Variants in LARGE1 observed in about 807,000 individuals in gnomAD.
LARGE1 encodes LARGE xylosyl- and glucuronyltransferase 1, also known as xylosyl- and glucuronyltransferase LARGE1.
A neutral mutation model predicts 87.6 loss-of-function variants in LARGE1; 43 were observed. The ratio of observed to expected loss-of-function variants is 0.49; its 90% CI spans 0.38 to 0.63. The LOEUF (loss-of-function observed/expected upper bound fraction) is 0.63. Among genes scored for constraint, LARGE1 ranks in the 30% least tolerant of loss-of-function variants. LARGE1 has a pLI of 0.00. For missense variants in LARGE1, 802 were observed against 1,000.2 expected (o/e 0.80, Z 2.67); for synonymous variants, 434 against 394.6 (o/e 1.10, Z -1.18).
intron 4 of LARGE1, 91 bp from the exon 5 acceptor site, chr22:33,604,649 T>C: frequency 6.6e-7 from 1 of 1,523,206 alleles, no homozygotes; most frequent in Non-Finnish European, 9.1e-7. Context: ...GTTCCTACGG[T>C]GGGGCACGTT....
intron 1 of LARGE1, among the ~76,000 whole-genome samples, chr22:33,905,538 A>G (rs1309016105): frequency 8.5e-5 from 13 of 152,226 alleles, no homozygotes; most frequent in Non-Finnish European, 1.5e-5. Flanking sequence ...GAATCTAGCA[A>G]TCTGATAGCC....
chr22:33,660,096 T>TG (rs2081080590), intron 2 of LARGE1, among the ~76,000 whole-genome samples: 1 of 138,644 alleles, frequency 7.2e-6, no homozygotes, highest in Non-Finnish European at 1.5e-5. Flanking sequence ...GTGTGTTTTT[T>TG]TTTTTTTTTT....
At chr22:33,653,793 T>G (rs561708400) in intron 2 of LARGE1, among the ~76,000 whole-genome samples, 83 of 152,228 alleles carry the variant, frequency 5.5e-4, no homozygotes, top group Admixed American at 1.6e-3. Flanking sequence ...TTGTTCTGTG[T>G]GTTGTATGGG....
intron 10 of LARGE1, among the ~76,000 whole-genome samples, chr22:33,334,207 T>C (rs1399461389): frequency 6.6e-6 from 1 of 151,782 alleles, no homozygotes; most frequent in Non-Finnish European, 1.5e-5. Flanking sequence ...AAGGTGATCA[T>C]GATCAAGACC....
intron 7 of LARGE1, among the ~76,000 whole-genome samples, chr22:33,407,806 C>G (rs536591384): frequency 2.6e-5 from 4 of 152,220 alleles, no homozygotes; most frequent in South Asian, 2.1e-4. Flanking sequence ...GAAAAGGACT[C>G]TGTTGCAACT....
At chr22:33,866,453 T>G (rs939194550) in intron 1 of LARGE1, among the ~76,000 whole-genome samples, 1 of 152,194 alleles carries the variant, frequency 6.6e-6, no homozygotes, top group Non-Finnish European at 1.5e-5. Context: ...ATGGTGCAGA[T>G]GGAGAGCAGT....
intron 6 of LARGE1, among the ~76,000 whole-genome samples, chr22:33,516,913 C>T (rs970784205): frequency 2.0e-5 from 3 of 152,118 alleles, no homozygotes; most frequent in Non-Finnish European, 4.4e-5. Flanking sequence ...ACCTCTGTCC[C>T]CTGTTTACTA....
In LARGE1 at chr22:33,469,651, C is replaced by T. The variant is rs146865807; in HGVS notation, c.788-37386G>A. On this transcript the variant is annotated intron_variant, in intron 6 of 14. Transcript: ENST00000397394. Reference sequence around the variant, plus strand: ...ACCAGTCTGGCCAACATGGTGAAACCCCCTCTCTACTAAAAATACAAAAGA... The same window carrying T: ...ACCAGTCTGGCCAACATGGTGAAACTCCCTCTCTACTAAAAATACAAAAGA... 4.4e-3 allele frequency among the ~76,000 whole-genome samples: 672 copies of T among 151,750 alleles called. 6 individuals are homozygous for T. Among genetic ancestry groups the T allele is most frequent in the African/African-American group, 0.015 (633 of 41,426 alleles).
chr22:33,340,428 G>A (rs2146608190), intron 9 of LARGE1, among the ~76,000 whole-genome samples: 1 of 152,006 alleles, frequency 6.6e-6, no homozygotes, highest in East Asian at 1.9e-4. Context: ...GAGTCCAGGT[G>A]AGGGAAATCA....
chr22:33,375,758 A>AT (rs2064972346), intron 9 of LARGE1, among the ~76,000 whole-genome samples: 1 of 151,706 alleles, frequency 6.6e-6, no homozygotes, highest in Non-Finnish European at 1.5e-5. Flanking sequence ...TTTTTTATTT[A>AT]TTTTTTTGAG....
chr22:33,790,582 T>G (rs2085791963), intron 1 of LARGE1, among the ~76,000 whole-genome samples: 2 of 152,242 alleles, frequency 1.3e-5, no homozygotes, highest in African/African-American at 4.8e-5. Flanking sequence ...AGATGGTTCT[T>G]TTCCTTGAGG....
chr22:33,777,193 C>T (rs1037702516), intron 1 of LARGE1, among the ~76,000 whole-genome samples: 1 of 152,162 alleles, frequency 6.6e-6, no homozygotes, highest in South Asian at 2.1e-4. Context: ...GGCAACCAAC[C>T]GCTCCTTCCA....
chr22:33,915,000 CAT>C (rs2065741141), intron 1 of LARGE1, among the ~76,000 whole-genome samples: 1 of 140,316 alleles, frequency 7.1e-6, no homozygotes, highest in Non-Finnish European at 1.5e-5. Context: ...ACAAGACAAA[CAT>C]ACAAACACAA....
intron 1 of LARGE1, among the ~76,000 whole-genome samples, chr22:33,858,805 T>C (rs979064645): frequency 1.3e-5 from 2 of 152,168 alleles, no homozygotes; most frequent in Admixed American, 6.5e-5. Flanking sequence ...CAAATGCCAA[T>C]GATAAGCTAG....
intron 3 of LARGE1, among the ~76,000 whole-genome samples, chr22:33,642,198 A>G (rs2080455262): frequency 1.3e-5 from 2 of 152,224 alleles, no homozygotes; most frequent in Non-Finnish European, 2.9e-5. Context: ...CTGAAACCCT[A>G]CAAGCCAGAA....
chr22:33,585,343 A>G (rs1382940797), intron 5 of LARGE1, among the ~76,000 whole-genome samples: 1 of 152,080 alleles, frequency 6.6e-6, no homozygotes, highest in South Asian at 2.1e-4. Context: ...ACACACACTG[A>G]GACACACATA....
chr22:33,622,157 G>A (rs373611024), intron 4 of LARGE1, among the ~76,000 whole-genome samples: 11 of 152,220 alleles, frequency 7.2e-5, no homozygotes, highest in Non-Finnish European at 1.0e-4. Flanking sequence ...ATCTCATTTC[G>A]AATTGTAATT....
At chr22:33,505,650 A>G (rs2070725284) in intron 6 of LARGE1, among the ~76,000 whole-genome samples, 1 of 152,146 alleles carries the variant, frequency 6.6e-6, no homozygotes, top group African/African-American at 2.4e-5. Flanking sequence ...CTCTTTGTAG[A>G]CACAACAAGC....
intron 2 of LARGE1, chr22:33,746,593 A>G (rs2084093652): frequency 6.6e-6 from 1 of 152,250 alleles, no homozygotes. Context: ...TTTGTAGGCA[A>G]TGTTATTAGA....
Sources: gnomAD v4.1 joint callset for allele counts (sites outside exome capture counted in the v4.1 genomes callset) on GRCh38, gnomAD v4.1.1 for gene constraint, MANE v1.5 for transcripts, NCBI Gene and HGNC (gene_info 2026-07-23, HGNC 2026-07-21) for gene names.